The following IQSEC1 variants were observed in gnomAD, a reference collection of about 807,000 sequenced individuals.
The protein encoded by IQSEC1 is IQ motif and SEC7 domain-containing protein 1.
In IQSEC1, 31 loss-of-function variants were observed where a neutral mutation model predicts 91.0. The observed-to-expected ratio is 0.34, with a 90% CI of 0.26 to 0.46. The LOEUF (loss-of-function observed/expected upper bound fraction) is 0.46, where lower values mean the gene tolerates loss of function less well. Among genes scored for constraint, IQSEC1 ranks in the 20% least tolerant of loss-of-function variants. The probability of loss-of-function intolerance (pLI) is 1.00; values close to 1 mark genes in which losing one functional copy is unlikely to be tolerated. For missense variants in IQSEC1, 1,388 were observed against 1,575.6 expected, an observed-to-expected ratio of 0.88 and a Z score of 2.02; for synonymous variants, 699 against 662.6, an observed-to-expected ratio of 1.05 and a Z score of -0.84.
rs148635293 is a variant in IQSEC1 at position 12,974,068 on chromosome 3, A to C, written c.24-32203T>G. Among the ~76,000 whole-genome samples the C allele has an allele frequency of 5.9e-3, 897 of 152,350 alleles. 8 individuals are homozygous for C. The highest frequency in any genetic ancestry group is 0.021 in the African/African-American group (854 of 41,574). On this transcript the variant is annotated intron_variant, in intron 1 of 13. Coordinates refer to ENST00000613206, the MANE Select transcript of IQSEC1 (RefSeq NM_001134382.3). ...CTCACCTGCTGAGGATGCATGGGAA[A>C]GACCCTGAGGGAAGGGCTGCAATAA...
chr3:13,242,709 T>C (rs1047366414), intron 1 of IQSEC1, among the ~76,000 whole-genome samples: 1 of 152,218 alleles, frequency 6.6e-6, no homozygotes, highest in Non-Finnish European at 1.5e-5. Context: ...TGGAGGATGT[T>C]CTGCTTCAAT....
intron 2 of IQSEC1, among the ~76,000 whole-genome samples, chr3:13,127,696 T>A (rs1706540246): frequency 6.6e-6 from 1 of 152,228 alleles, no homozygotes. Flanking sequence ...GCTTGGATTC[T>A]GATAGGAACT....
In IQSEC1 at chr3:13,036,118, A is replaced by T. The variant is rs1297439306; in HGVS notation, c.23+36874T>A. On this transcript the variant is annotated intron_variant, in intron 1 of 13. Coordinates refer to ENST00000613206, the MANE Select transcript of IQSEC1 (RefSeq NM_001134382.3). ...CAGGCTCTGCCCAAGTTGCAGTTCTATGGGATTTTAAACCACTAAGTTTTG... is the reference window on the plus strand; with the variant it reads ...CAGGCTCTGCCCAAGTTGCAGTTCTTTGGGATTTTAAACCACTAAGTTTTG... Among the ~76,000 whole-genome samples, 10 of 152,304 alleles carry T rather than the reference A, an allele frequency of 6.6e-5. No individual in the cohort carries two copies. In the East Asian group the frequency reaches 9.6e-4, roughly 15 times the overall value.
chr3:13,239,897 T>C (rs1036732052), intron 1 of IQSEC1, among the ~76,000 whole-genome samples: 1 of 151,990 alleles, frequency 6.6e-6, no homozygotes, highest in African/African-American at 2.4e-5. Flanking sequence ...GGAGTTAGTG[T>C]TGAGTGGGGA....
rs115802100 is a variant in IQSEC1, at chr3:12,960,006, C to T, written c.24-18141G>A. Among the ~76,000 whole-genome samples, 1,498 of 152,228 alleles carry T rather than the reference C, an allele frequency of 9.8e-3. 26 individuals are homozygous for T. The highest frequency in any genetic ancestry group is 0.032 in the African/African-American group (1,314 of 41,522). ...AACAGAGAATTCACGTTCCTGCGACCGCACCTCCCCCTCCCCCAGCAGCAG... is the reference window on the plus strand; with the variant it reads ...AACAGAGAATTCACGTTCCTGCGACTGCACCTCCCCCTCCCCCAGCAGCAG... On this transcript the variant is annotated intron_variant, in intron 1 of 13. Coordinates refer to ENST00000613206, the MANE Select transcript of IQSEC1 (RefSeq NM_001134382.3).
At chr3:12,991,143 G>A (rs189281199) in intron 1 of IQSEC1, among the ~76,000 whole-genome samples, 5 of 152,154 alleles carry the variant, frequency 3.3e-5, no homozygotes, top group Admixed American at 1.3e-4. Flanking sequence ...CCCTACCTGC[G>A]CCCTGCTTTG....
Position 13,259,212 on chromosome 3 carries a change from A to G in IQSEC1, c.272+23499T>C, listed in dbSNP as rs1183056195. ...TGCCATGCAGGCCCTGGGACGGGACAGTTTCCACTGGAGCAGGACCTGGAC... is the reference window on the plus strand; with the variant it reads ...TGCCATGCAGGCCCTGGGACGGGACGGTTTCCACTGGAGCAGGACCTGGAC... On this transcript the variant is annotated intron_variant, in intron 1 of 15. Transcript: ENST00000648114. This position sits in a 1 kb window ranked among gnomAD's most constrained non-coding sequence, Gnocchi z 4.6. 2.0e-5 allele frequency among the ~76,000 whole-genome samples: 3 copies of G among 152,180 alleles called. No homozygotes were observed. Among genetic ancestry groups the G allele is most frequent in the African/African-American group, 7.2e-5 (3 of 41,456 alleles).
At chr3:13,125,489 G>C (rs1706498238) in intron 2 of IQSEC1, among the ~76,000 whole-genome samples, 1 of 152,206 alleles carries the variant, frequency 6.6e-6, no homozygotes, top group African/African-American at 2.4e-5. Context: ...GACAGGGCTT[G>C]GGCAGTGCTG....
chr3:13,154,508 C>T lies in IQSEC1; in HGVS notation c.302+9596G>A, dbSNP rs540169183. 8.1e-4 allele frequency among the ~76,000 whole-genome samples: 90 copies of T among 111,474 alleles called. 2 individuals carry two copies. Among genetic ancestry groups the T allele is most frequent in the African/African-American group, 3.1e-3 (89 of 28,530 alleles). 73.1% of individuals were successfully genotyped at this position (111,474 alleles called of 152,430 possible). A position where few individuals can be genotyped will look rare whatever the true frequency, so the allele number is the denominator to read the frequency against. ...ACTGATACAACTGAAGGGAGTCATC[C>T]GTTATTCATTAGACAGTTACTCATT... On this transcript the variant is annotated intron_variant, in intron 2 of 15. Transcript: ENST00000648114.
At chr3:13,209,266 T>TGGTGTCCA (rs1306620286) in intron 1 of IQSEC1, among the ~76,000 whole-genome samples, 1 of 152,162 alleles carries the variant, frequency 6.6e-6, no homozygotes, top group East Asian at 1.9e-4. Context: ...TGGAGGCAAA[T>TGGTGTCCA]GGTGTCCACT....
chr3:13,235,582 G>C (rs1470418452), intron 1 of IQSEC1, among the ~76,000 whole-genome samples: 1 of 152,162 alleles, frequency 6.6e-6, no homozygotes, highest in East Asian at 1.9e-4. Context: ...GGTGGGTGCT[G>C]TCTGCAGACA....
At chr3:13,044,666 G>C (rs1704423398) in intron 1 of IQSEC1, among the ~76,000 whole-genome samples, 1 of 152,232 alleles carries the variant, frequency 6.6e-6, no homozygotes, top group Non-Finnish European at 1.5e-5. Context: ...CAGCAGCCCT[G>C]AAGTGCTGCC....
intron 12 of IQSEC1, among the ~76,000 whole-genome samples, chr3:12,906,237 G>A (rs999110857): frequency 5.3e-5 from 8 of 152,196 alleles, no homozygotes; most frequent in Non-Finnish European, 7.4e-5. Flanking sequence ...GACACTGTCC[G>A]CAGGCTCACC....
At chr3:13,061,393 A>G (rs1705064423) in intron 1 of IQSEC1, among the ~76,000 whole-genome samples, 1 of 152,180 alleles carries the variant, frequency 6.6e-6, no homozygotes, top group South Asian at 2.1e-4. Context: ...AAAAATATCT[A>G]TCACTAGGAA....
chr3:13,102,602 C>T (rs745696789), intron 2 of IQSEC1, among the ~76,000 whole-genome samples: 5 of 152,134 alleles, frequency 3.3e-5, no homozygotes, highest in Non-Finnish European at 5.9e-5. Flanking sequence ...CTTCCCCGGT[C>T]GGGTGGGGAT....
intron 2 of IQSEC1, among the ~76,000 whole-genome samples, chr3:13,086,364 G>A (rs1418743281): frequency 2.6e-5 from 4 of 152,206 alleles, no homozygotes; most frequent in Non-Finnish European, 5.9e-5. Context: ...TGACAGCACT[G>A]TTGGCCTTGG....
intron 1 of IQSEC1, among the ~76,000 whole-genome samples, chr3:12,957,328 C>T (rs1394675049): frequency 6.6e-6 from 1 of 152,178 alleles, no homozygotes. Context: ...GACGCTTGTC[C>T]CTGGCTAAGA....
intron 1 of IQSEC1, among the ~76,000 whole-genome samples, chr3:13,013,858 A>T (rs556771862): frequency 6.6e-6 from 1 of 152,368 alleles, no homozygotes; most frequent in African/African-American, 2.4e-5. Flanking sequence ...GCACAGAGTC[A>T]TGGAGTGCTT....
At chr3:13,271,253 T>C (rs1695586158) in intron 1 of IQSEC1, among the ~76,000 whole-genome samples, 2 of 152,068 alleles carry the variant, frequency 1.3e-5, no homozygotes, top group South Asian at 4.1e-4. Context: ...GGCAGGAGCC[T>C]GTAGTCCCAG....
Sources: gnomAD v4.1 joint callset for allele counts (sites outside exome capture counted in the v4.1 genomes callset) on GRCh38, gnomAD v4.1.1 for gene constraint, Gnocchi (gnomAD v3.1) non-coding constraint, MANE v1.5 for transcripts, NCBI Gene and HGNC (gene_info 2026-07-23, HGNC 2026-07-21) for gene names.